The following ROBO3 variants were observed in gnomAD, a reference collection of about 807,000 sequenced individuals.
The protein encoded by ROBO3 is roundabout guidance receptor 3, also known as roundabout homolog 3.
In ROBO3, 97 loss-of-function variants were observed where a neutral mutation model predicts 160.5. The observed-to-expected ratio is 0.60, with a 90% CI of 0.51 to 0.72. The LOEUF is 0.72. Ranked by LOEUF, ROBO3 falls within the 30% of genes least tolerant of loss-of-function variation. The pLI, the probability that ROBO3 is intolerant of heterozygous loss-of-function variation, is 0.00. For missense variants in ROBO3, 1,858 were observed against 1,846.5 expected, an observed-to-expected ratio of 1.01 and a Z score of -0.11; for synonymous variants, 780 against 746.2, an observed-to-expected ratio of 1.05 and a Z score of -0.74.
chr11:124,876,130 G>A lies in ROBO3; in HGVS notation c.2593+5G>A, dbSNP rs1465945150. Reference sequence around the variant, plus strand: ...CCCCAGTGCTGGTGCAGCTGCGTGAGTCCACCCGAGGGCAGTGCTGAGGAT... The same window carrying A: ...CCCCAGTGCTGGTGCAGCTGCGTGAATCCACCCGAGGGCAGTGCTGAGGAT... On this transcript the variant is annotated splice_donor_5th_base_variant and intron_variant, in intron 16 of 27. Transcript: ENST00000397801. This position sits in a 1 kb window ranked among gnomAD's most constrained non-coding sequence, Gnocchi z 5.3. 1 of 1,596,504 alleles carries A rather than the reference G, an allele frequency of 6.3e-7. No homozygotes were observed. The highest frequency in any genetic ancestry group is 8.5e-7 in the Non-Finnish European group (1 of 1,175,188).
chr11:124,867,642 C>G (rs1004095630), intron 1 of ROBO3, among the ~76,000 whole-genome samples: 4 of 152,176 alleles, frequency 2.6e-5, no homozygotes, highest in African/African-American at 7.2e-5. Context: ...AAAATAAACT[C>G]AGAACAGCGC....
At position 124,878,416 on chromosome 11, in the gene ROBO3, G is replaced by C. The variant is rs550792725; in HGVS notation, c.3300G>C (p.Pro1100=). ...PSCELSCLEG[P]EEELEGSSEP... is the part of the protein sequence containing the mutation. ...GTGAACTGAGCTGCCTAGAAGGGCC[G>C]GAGGAGGAGCTGGAGGGCAGGTAGA... Residue 1100 remains proline, a synonymous_variant, in exon 22 of 28, where the codon CCG becomes CCC. Transcript: ENST00000397801. The surrounding 1 kb of genome is among the most constrained non-coding windows in gnomAD (Gnocchi z 4.3). 5 of 1,613,642 alleles carry C rather than the reference G, an allele frequency of 3.1e-6. No homozygotes were observed. In the Middle Eastern group the frequency reaches 5.0e-4, roughly 160 times the overall value.
rs768221374 is a variant in ROBO3, at chr11:124,870,247, G to A, written c.849G>A (p.Gly283=). 1 of 1,614,012 alleles carries A rather than the reference G, an allele frequency of 6.2e-7. No homozygotes were observed. Among genetic ancestry groups the A allele is most frequent in the East Asian group, 2.2e-5 (1 of 44,870 alleles). ...APVTFLCEVK[G]DPPPRLRWRK... ...TGACTTTCCTATGTGAGGTGAAGGG[G>A]GATCCCCCACCTCGTCTACGCTGGC... The change falls in exon 5 of 28, where the codon GGG becomes GGA. Residue 283 remains glycine (G), a synonymous_variant. Coordinates refer to ENST00000397801, the MANE Select transcript of ROBO3 (RefSeq NM_022370.4).
In ROBO3 at chr11:124,873,462, C is replaced by A; in HGVS notation, c.1618+71C>A. The A allele has an allele frequency of 7.7e-7, 1 of 1,290,866 alleles. No individual in the cohort carries two copies. The highest frequency in any genetic ancestry group is 1.1e-6 in the Non-Finnish European group (1 of 907,054). 80.0% of individuals were successfully genotyped at this position (1,290,866 alleles called of 1,614,324 possible). A position where few individuals can be genotyped will look rare whatever the true frequency, so the allele number is the denominator to read the frequency against. On this transcript the variant is annotated intron_variant, in intron 10 of 27. Transcript: ENST00000397801. This position sits in a 1 kb window ranked among gnomAD's most constrained non-coding sequence, Gnocchi z 4.5. ...AACCTGCTTCAACAGGTAGTCGATA[C>A]CTCCTCAAACTCCGGGATTAACTTT...
chr11:124,876,615 G>A lies in ROBO3; in HGVS notation c.2779+155G>A. On this transcript the variant is annotated intron_variant, in intron 17 of 27. Transcript: ENST00000397801. The surrounding 1 kb of genome is among the most constrained non-coding windows in gnomAD (Gnocchi z 5.3). ...CTTGGGTAGGGGCGGGATACGTGGG[G>A]CGACTCGAGGAGCTGCCAGGACTAG... The A allele has an allele frequency of 1.7e-6, 1 of 594,114 alleles. No homozygotes were observed. The highest frequency in any genetic ancestry group is 4.7e-4 in the Middle Eastern group (1 of 2,128). 36.8% of individuals were successfully genotyped at this position (594,114 alleles called of 1,614,324 possible).
intron 1 of ROBO3, among the ~76,000 whole-genome samples, chr11:124,867,702 G>C (rs533718667): frequency 3.3e-5 from 5 of 151,974 alleles, no homozygotes; most frequent in Non-Finnish European, 5.9e-5. Context: ...CTTCTAAGAG[G>C]GGGGGCAGGA....
Position 124,869,266 on chromosome 11 carries a change from C to A in ROBO3, c.487+138C>A. The A allele has an allele frequency of 1.8e-6, 2 of 1,125,788 alleles. No individual in the cohort carries two copies. Among genetic ancestry groups the A allele is most frequent in the South Asian group, 2.8e-5 (2 of 72,364 alleles). The allele number at this position is 1,125,788 out of a possible 1,614,324, so 69.7% of individuals were successfully genotyped here. A position where few individuals can be genotyped will look rare whatever the true frequency, so the allele number is the denominator to read the frequency against. ...CTTCTTTGGGACCGCGACCTTTGAT[C>A]TCTAATGGCCACACCACGGCCAGAG... On this transcript the variant is annotated intron_variant, in intron 2 of 27. Coordinates refer to ENST00000397801, the MANE Select transcript of ROBO3 (RefSeq NM_022370.4). The surrounding 1 kb of genome is among the most constrained non-coding windows in gnomAD (Gnocchi z 4.2).
In ROBO3 at chr11:124,865,703, C is replaced by T. The variant is rs372220289; in HGVS notation, c.126C>T (p.His42=). The stretch of plus-strand genomic sequence containing the variant: ...ACTCCTCGCTGGCGGCGCTCAACCA[C>T]ACCCTGCTGCCTCCCGGCGATCCCT... The part of the protein sequence containing the change: ...GFNSSLAALN[H]TLLPPGDPSL... Residue 42 remains histidine, a synonymous_variant, in exon 1 of 28, where the codon CAC becomes CAT. Coordinates refer to ENST00000397801, the MANE Select transcript of ROBO3 (RefSeq NM_022370.4). This position sits in a 1 kb window ranked among gnomAD's most constrained non-coding sequence, Gnocchi z 5.5. 4 of 1,610,876 alleles carry T rather than the reference C, an allele frequency of 2.5e-6. No individual in the cohort carries two copies. The African/African-American group carries it at 5.3e-5, about 22-fold the overall frequency.
rs763322873 is a variant in ROBO3, at chr11:124,873,698, A to T, written c.1620A>T (p.Glu540Asp). 1.9e-6 allele frequency: 3 copies of T among 1,610,594 alleles called. No individual in the cohort carries two copies. The East Asian group carries it at 6.7e-5, about 36-fold the overall frequency. ...CTTAAAGATTATCTCCCACTGCAGAAGACTGGGGAGTATCACCAGACCCCC... is the reference window on the plus strand; with the variant it reads ...CTTAAAGATTATCTCCCACTGCAGATGACTGGGGAGTATCACCAGACCCCC... ...ATWSGWLKMR[E>D]DWGVSPDPPT... is the part of the protein sequence containing the mutation. The change falls in exon 11 of 28, where the codon GAA becomes GAT. Residue 540 changes from glutamate to aspartate, a missense_variant and splice_region_variant. Glu to Asp is a conservative substitution (Grantham distance 45). Transcript: ENST00000397801. The surrounding 1 kb of genome is among the most constrained non-coding windows in gnomAD (Gnocchi z 4.5).
At position 124,869,233 on chromosome 11, in the gene ROBO3, T is replaced by C. The variant is rs1006562262; in HGVS notation, c.487+105T>C. On this transcript the variant is annotated intron_variant, in intron 2 of 27. Transcript: ENST00000397801. The surrounding 1 kb of genome is among the most constrained non-coding windows in gnomAD (Gnocchi z 4.2). ...CCAGCCCCAAAGGACTTCAGCCCACTCAGCATCCTTCTTTGGGACCGCGAC... is the reference window on the plus strand; with the variant it reads ...CCAGCCCCAAAGGACTTCAGCCCACCCAGCATCCTTCTTTGGGACCGCGAC... 4.4e-5 allele frequency: 57 copies of C among 1,280,918 alleles called. No homozygotes were observed. Among genetic ancestry groups the C allele is most frequent in the Non-Finnish European group, 3.3e-5 (30 of 917,392 alleles). The allele number at this position is 1,280,918 out of a possible 1,614,324, so 79.3% of individuals were successfully genotyped here.
At position 124,874,891 on chromosome 11, in the gene ROBO3, C is replaced by A. The variant is rs1435506122; in HGVS notation, c.2055C>A (p.Thr685=). The A allele has an allele frequency of 6.2e-7, 1 of 1,603,762 alleles. No individual in the cohort carries two copies. The highest frequency in any genetic ancestry group is 1.1e-5 in the South Asian group (1 of 88,912). ...LQEPIVLGPR[T]LQVSWTVDGP... is the part of the protein sequence containing the mutation. ...AGCCCATAGTCCTGGGACCCCGGACCCTGCAGGTGTCCTGGACTGTGAGTG... is the reference window on the plus strand; with the variant it reads ...AGCCCATAGTCCTGGGACCCCGGACACTGCAGGTGTCCTGGACTGTGAGTG... Residue 685 remains threonine (T), a synonymous_variant, in exon 13 of 28, where the codon ACC becomes ACA. Coordinates refer to ENST00000397801, the MANE Select transcript of ROBO3 (RefSeq NM_022370.4).
At chr11:124,880,749 G>C in intron 27 of ROBO3, 141 bp downstream of exon 27, 1,267 of 994,526 alleles carry the variant, frequency 1.3e-3, no homozygotes, top group Non-Finnish European at 1.7e-3. Flanking sequence ...GGGGAGGGAG[G>C]AATCCTGTAG....
In ROBO3 at chr11:124,880,316, A is replaced by G. The variant is rs561734215; in HGVS notation, c.3959-102A>G. 164 of 1,516,576 alleles carry G rather than the reference A, an allele frequency of 1.1e-4. 1 individual carries two copies. Among genetic ancestry groups the G allele is most frequent in the Middle Eastern group, 9.3e-4 (4 of 4,280 alleles). The allele number at this position is 1,516,576 out of a possible 1,614,324, so 93.9% of individuals were successfully genotyped here. A position where few individuals can be genotyped will look rare whatever the true frequency, so the allele number is the denominator to read the frequency against. On this transcript the variant is annotated intron_variant, in intron 26 of 27. Transcript: ENST00000397801. ...TGGCTGAGCCCTGTGCCTGCCCTTC[A>G]TCTTCTTCCAGAGCTGAGCCTGTGG...
At position 124,865,468 on chromosome 11, in the gene ROBO3, C is replaced by A; in HGVS notation, c.-110C>A. ...CACCGGCAGGAGAGCGGCACCGTGG[C>A]TGCCGCAGCGCGCAGAGGCTGTGGA... On this transcript the variant is annotated 5_prime_UTR_variant, in exon 1 of 28. It adds an upstream start codon to the 5' untranslated region. Coordinates refer to ENST00000397801, the MANE Select transcript of ROBO3 (RefSeq NM_022370.4). The surrounding 1 kb of genome is among the most constrained non-coding windows in gnomAD (Gnocchi z 5.5). The A allele has an allele frequency of 1.7e-6, 2 of 1,149,956 alleles. No individual in the cohort carries two copies. The highest frequency in any genetic ancestry group is 1.2e-6 in the Non-Finnish European group (1 of 821,464). 71.2% of individuals were successfully genotyped at this position (1,149,956 alleles called of 1,614,324 possible).
chr11:124,865,492 G>C lies in ROBO3; in HGVS notation c.-86G>C, dbSNP rs557907423. 2.8e-6 allele frequency: 4 copies of C among 1,403,958 alleles called. No individual in the cohort carries two copies. The African/African-American group carries it at 4.3e-5, about 15-fold the overall frequency. 87.0% of individuals were successfully genotyped at this position (1,403,958 alleles called of 1,614,324 possible). On this transcript the variant is annotated 5_prime_UTR_variant, in exon 1 of 28. Transcript: ENST00000397801. The surrounding 1 kb of genome is among the most constrained non-coding windows in gnomAD (Gnocchi z 5.5). ...GCTGCCGCAGCGCGCAGAGGCTGTG[G>C]AGGGGCTTACGGCTCCCAGCCCACG...
In ROBO3 at chr11:124,876,373, G is replaced by T. The variant is rs1187851055; in HGVS notation, c.2692G>T (p.Gly898Cys). 5.5e-6 allele frequency: 8 copies of T among 1,441,578 alleles called. No individual in the cohort carries two copies. In the African/African-American group the frequency reaches 1.2e-4, roughly 21 times the overall value. 89.3% of individuals were successfully genotyped at this position (1,441,578 alleles called of 1,614,324 possible). ...LREPAFLAGS[G>C]AACGALLLGL... ...GGAGCCCGCCTTCCTCGCGGGCAGC[G>T]GCGCAGCCTGCGGGGCGCTGCTTCT... Residue 898 changes from glycine (G) to cysteine (C), a missense_variant, in exon 17 of 28, where the codon GGC (glycine) becomes TGC (cysteine). Coordinates refer to ENST00000397801, the MANE Select transcript of ROBO3 (RefSeq NM_022370.4). This position sits in a 1 kb window ranked among gnomAD's most constrained non-coding sequence, Gnocchi z 5.3.
Position 124,875,575 on chromosome 11 carries a change from C to T in ROBO3, c.2311C>T (p.Pro771Ser). ...CCACCCTGGCCCAGCCCCCAGTGGCCCCCCACAGGGAGTGGCGGTGGCCTT... is the reference window on the plus strand; with the variant it reads ...CCACCCTGGCCCAGCCCCCAGTGGCTCCCCACAGGGAGTGGCGGTGGCCTT... ...RSIPEEAPSG[P>S]PQGVAVALGG... is the part of the protein sequence containing the mutation. Residue 771 changes from proline (P) to serine (S), a missense_variant, in exon 15 of 28, where the codon CCC becomes TCC. By Grantham distance (74) the Pro-to-Ser change is moderately conservative (BLOSUM62 -1). Transcript: ENST00000397801. 1 of 1,611,692 alleles carries T rather than the reference C, an allele frequency of 6.2e-7. No homozygotes were observed. The highest frequency in any genetic ancestry group is 8.5e-7 in the Non-Finnish European group (1 of 1,179,020).
intron 12 of ROBO3, 63 bp downstream of exon 12, chr11:124,874,299 C>G: frequency 1.4e-6 from 2 of 1,475,008 alleles, no homozygotes; most frequent in Non-Finnish European, 1.8e-6. Flanking sequence ...ACCCTCTCCC[C>G]CAAAACCATG....
At position 124,874,177 on chromosome 11, in the gene ROBO3, C is replaced by G. The variant is rs1946317909; in HGVS notation, c.1892C>G (p.Ala631Gly). The G allele has an allele frequency of 1.2e-6, 2 of 1,613,868 alleles. No individual in the cohort carries two copies. Among genetic ancestry groups the G allele is most frequent in the African/African-American group, 2.7e-5 (2 of 74,910 alleles). The change falls in exon 12 of 28, where the codon GCA becomes GGA. Residue 631 changes from alanine to glycine, a missense_variant. By Grantham distance (60) the Ala-to-Gly change is moderately conservative. Transcript: ENST00000397801. ...PNTIYLFLVR[A>G]VGAWGLSEPS... ...ACCATCTACCTGTTTCTGGTTCGAG[C>G]AGTGGGAGCCTGGGGCCTCAGTGAG... is the stretch of plus-strand genomic sequence containing the variant.
Sources: gnomAD v4.1 joint callset for allele counts (sites outside exome capture counted in the v4.1 genomes callset) on GRCh38, gnomAD v4.1.1 for gene constraint, Gnocchi (gnomAD v3.1) non-coding constraint, MANE v1.5 for transcripts, NCBI Gene and HGNC (gene_info 2026-07-23, HGNC 2026-07-21) for gene names.